Variants in GCN1 observed in about 807,000 individuals in gnomAD.
GCN1 encodes GCN1 activator of EIF2AK4, also known as stalled ribosome sensor GCN1.
In GCN1, 90 loss-of-function variants were observed where a neutral mutation model predicts 288.4. The observed-to-expected ratio is 0.31, with a 90% CI of 0.26 to 0.37. GCN1 has a LOEUF of 0.37. Ranked by LOEUF, GCN1 falls within the 10% of genes least tolerant of loss-of-function variation. The pLI is 1.00. For synonymous variants in GCN1, 1,386 were observed against 1,420.2 expected, an observed-to-expected ratio of 0.98 and a Z score of 0.54; for missense variants, 2,586 against 3,419.9, an observed-to-expected ratio of 0.76 and a Z score of 6.08.
At chr12:120,163,757 A>G (rs537259598) in intron 18 of GCN1, among the ~76,000 whole-genome samples, 1 of 152,340 alleles carries the variant, frequency 6.6e-6, no homozygotes, top group East Asian at 1.9e-4. Flanking sequence ...AAAAATCAAA[A>G]GGAAAAAATG....
At chr12:120,163,794 A>G (rs977368220) in intron 18 of GCN1, among the ~76,000 whole-genome samples, 3 of 152,236 alleles carry the variant, frequency 2.0e-5, no homozygotes, top group African/African-American at 7.2e-5. Flanking sequence ...AAAAGTACAA[A>G]GTGCTTTAAA....
chr12:120,161,625 C>A (rs556472172), intron 21 of GCN1, 42 bp from the exon 22 acceptor site: 1 of 1,441,764 alleles, frequency 6.9e-7, no homozygotes, highest in Non-Finnish European at 9.8e-7. Context: ...TGAAAAGCAC[C>A]GCAAGTCCTG....
chr12:120,131,171 C>A lies in GCN1; in HGVS notation c.7563+14G>T, dbSNP rs773175017. On this transcript the variant is annotated intron_variant, in intron 55 of 57. Coordinates refer to ENST00000300648, the MANE Select transcript of GCN1 (RefSeq NM_006836.2). ...TGTGGCCTATGCCTATGGGATATGG[C>A]CCGAATGCCTTACCCTGTCCGCCGT... The A allele has an allele frequency of 9.3e-6, 15 of 1,613,198 alleles. No homozygotes were observed. Among genetic ancestry groups the A allele is most frequent in the Non-Finnish European group, 1.3e-5 (15 of 1,179,240 alleles).
In GCN1 at chr12:120,178,754, G is replaced by A. The variant is rs546463497; in HGVS notation, c.531C>T (p.Pro177=). 14 of 1,614,208 alleles carry A rather than the reference G, an allele frequency of 8.7e-6. 1 individual carries two copies. Among genetic ancestry groups the A allele is most frequent in the East Asian group, 6.7e-5 (3 of 44,892 alleles). ...CTGACAAGTACTGTTCCACCAGCCC[G>A]GGGTTCTGAAGAGGAAAGTGCCAGG... ...KKLTKLWKEN[P]GLVEQYLSAI... The change falls in exon 7 of 58, where the codon CCC becomes CCT. Residue 177 remains proline (P), a synonymous_variant. Coordinates refer to ENST00000300648, the MANE Select transcript of GCN1 (RefSeq NM_006836.2).
intron 33 of GCN1, 65 bp from the exon 34 acceptor site, chr12:120,151,456 T>A: frequency 6.4e-7 from 1 of 1,552,878 alleles, no homozygotes; most frequent in Non-Finnish European, 8.7e-7. Context: ...TGGTGGGGGG[T>A]CTGACCATTC....
In GCN1 at chr12:120,132,018, T is replaced by C. The variant is rs766600634; in HGVS notation, c.7322A>G (p.Asn2441Ser). The C allele has an allele frequency of 1.3e-6, 2 of 1,585,690 alleles. No homozygotes were observed. Among genetic ancestry groups the C allele is most frequent in the Non-Finnish European group, 1.7e-6 (2 of 1,162,954 alleles). The change falls in exon 54 of 58, where the codon AAC becomes AGC. Residue 2441 changes from asparagine to serine, a missense_variant. Asn to Ser is a conservative substitution (Grantham distance 46). Transcript: ENST00000300648. ...LLSMLGHDED[N>S]TRISSAGCLG... ...GCACCCGGCTGAGGAGATGCGAGTGTTGTCCTGACAGGGAAGAGAAGGGAG... is the reference window on the plus strand; with the variant it reads ...GCACCCGGCTGAGGAGATGCGAGTGCTGTCCTGACAGGGAAGAGAAGGGAG...
chr12:120,145,136 G>C, intron 39 of GCN1, 75 bp from the exon 40 acceptor site: 1 of 1,577,430 alleles, frequency 6.3e-7, no homozygotes, highest in South Asian at 1.1e-5. Flanking sequence ...GGAGCAGGAA[G>C]GGGCACCGAG....
chr12:120,153,756 G>T lies in GCN1; in HGVS notation c.3855C>A (p.Asn1285Lys). 3.1e-6 allele frequency: 5 copies of T among 1,614,032 alleles called. No homozygotes were observed. The highest frequency in any genetic ancestry group is 4.2e-6 in the Non-Finnish European group (5 of 1,179,902). The change falls in exon 32 of 58, where the codon AAC (asparagine) becomes AAA (lysine). Residue 1285 changes from asparagine (N) to lysine (K), a missense_variant. Coordinates refer to ENST00000300648, the MANE Select transcript of GCN1 (RefSeq NM_006836.2). The surrounding 1 kb of genome is among the most constrained non-coding windows in gnomAD (Gnocchi z 4.4). ...CMLDAALATL[N>K]THGKENVNSL... ...GGGACCCCCTTACCTTCCCATGAGT[G>T]TTGAGCGTTGCGAGGGCTGCATCCA...
rs1314534479 is a variant in GCN1, at chr12:120,157,905, T to C, written c.3031A>G (p.Thr1011Ala). The change falls in exon 26 of 58, where the codon ACT (threonine) becomes GCT (alanine). Residue 1011 changes from threonine (T) to alanine (A), a missense_variant. Transcript: ENST00000300648. ...GAGGCCCTCAGCTGGGCTTGGACAG[T>C]GAGGATCTGAAGAATCTGGGCCATC... Reference protein sequence around the residue: ...EWMAQILQILTVQAQLRASPN... With the variant: ...EWMAQILQILAVQAQLRASPN... 1 of 1,613,842 alleles carries C rather than the reference T, an allele frequency of 6.2e-7. No individual in the cohort carries two copies. The highest frequency in any genetic ancestry group is 8.5e-7 in the Non-Finnish European group (1 of 1,180,022).
chr12:120,192,975 G>A (rs1879054034), intron 1 of GCN1, among the ~76,000 whole-genome samples: 1 of 152,152 alleles, frequency 6.6e-6, no homozygotes, highest in Non-Finnish European at 1.5e-5. Flanking sequence ...GGCAGAGGTT[G>A]CAGTGAGTTC....
At chr12:120,176,486 G>A (rs1282112673) in intron 9 of GCN1, among the ~76,000 whole-genome samples, 1 of 152,196 alleles carries the variant, frequency 6.6e-6, no homozygotes, top group Non-Finnish European at 1.5e-5. Context: ...GATTTCAAGT[G>A]CCACCTCCAT....
intron 33 of GCN1, among the ~76,000 whole-genome samples, chr12:120,152,028 GTTTTTTGTTT>G (rs887949145): frequency 3.9e-5 from 6 of 152,012 alleles, no homozygotes; most frequent in African/African-American, 1.4e-4. Flanking sequence ...GTTTTTTGTT[GTTTTTTGTTT>G]TTGTTTTTAG....
At chr12:120,168,123 G>T in intron 16 of GCN1, 85 bp downstream of exon 16, 1 of 846,720 alleles carries the variant, frequency 1.2e-6, no homozygotes, top group Non-Finnish European at 2.1e-6. Context: ...GACCTGACTG[G>T]TTGGTCAAGA....
intron 31 of GCN1, among the ~76,000 whole-genome samples, chr12:120,154,505 C>T (rs1877675088): frequency 6.6e-6 from 1 of 152,242 alleles, no homozygotes; most frequent in African/African-American, 2.4e-5. Flanking sequence ...GTCCCAGTTG[C>T]TCCCAGACAT....
chr12:120,186,883 G>A (rs576129570), intron 2 of GCN1, among the ~76,000 whole-genome samples: 40 of 152,312 alleles, frequency 2.6e-4, no homozygotes, highest in African/African-American at 9.4e-4. Flanking sequence ...GCCTGTAAGT[G>A]GCACAGCCCA....
Position 120,156,390 on chromosome 12 carries a change from G to A in GCN1, c.3312+71C>T. 1 of 1,441,304 alleles carries A rather than the reference G, an allele frequency of 6.9e-7. No individual in the cohort carries two copies. Among genetic ancestry groups the A allele is most frequent in the Non-Finnish European group, 9.7e-7 (1 of 1,034,998 alleles). 89.3% of individuals were successfully genotyped at this position (1,441,304 alleles called of 1,614,324 possible). On this transcript the variant is annotated intron_variant, in intron 28 of 57. Transcript: ENST00000300648. The surrounding 1 kb of genome is among the most constrained non-coding windows in gnomAD (Gnocchi z 5.8). ...CAGAGTGAGGGACATTCTCTCAAAT[G>A]CCCATCATGCAATTTGCACTTGCAT...
chr12:120,175,625 C>T (rs2286051), intron 11 of GCN1, 121 bp downstream of exon 11: 191,017 of 1,019,428 alleles, frequency 0.19, 23,594 homozygotes, highest in East Asian at 0.54. Context: ...TGTGACGTCC[C>T]CCTGGCCACA....
chr12:120,178,475 G>T, intron 7 of GCN1, 150 bp downstream of exon 7: 1 of 747,202 alleles, frequency 1.3e-6, no homozygotes, highest in South Asian at 1.7e-5. Flanking sequence ...ATGGCAAAAG[G>T]CCAGAGTCTC....
At chr12:120,170,934 G>C (rs1363484194) in intron 14 of GCN1, among the ~76,000 whole-genome samples, 3 of 152,102 alleles carry the variant, frequency 2.0e-5, no homozygotes, top group South Asian at 4.1e-4. Context: ...GCTGAGGCGG[G>C]GGGGATCATG....
Sources: allele counts gnomAD v4.1 joint callset (sites outside exome capture counted in the v4.1 genomes callset), GRCh38; gene constraint gnomAD v4.1.1; non-coding constraint Gnocchi (gnomAD v3.1); transcripts MANE v1.5; gene names NCBI Gene and HGNC (gene_info 2026-07-23, HGNC 2026-07-21).